CAPN13: variants seen among roughly 807,000 people sequenced by gnomAD.
CAPN13 encodes calpain 13.
Under a neutral mutation model 98.4 loss-of-function variants are expected in CAPN13, and 90 were observed. The observed-to-expected ratio is 0.92, with a 90% CI of 0.77 to 1.09. The LOEUF is 1.09. Among genes scored for constraint, CAPN13 ranks in the 50% least tolerant of loss-of-function variants. CAPN13 has a pLI of 0.00. For synonymous variants in CAPN13, 330 were observed against 305.5 expected (o/e 1.08, Z -0.84); for missense variants, 887 against 841.3 (o/e 1.05, Z -0.67).
At chr2:30,800,256 C>T (rs1385101573) in intron 1 of CAPN13, among the ~76,000 whole-genome samples, 16 of 152,172 alleles carry the variant, frequency 1.1e-4, no homozygotes, top group Admixed American at 1.0e-3. Context: ...CTATTGCCTG[C>T]CAGTGACTCT....
intron 18 of CAPN13, among the ~76,000 whole-genome samples, chr2:30,735,216 C>G (rs896784519): frequency 6.6e-6 from 1 of 152,162 alleles, no homozygotes; most frequent in African/African-American, 2.4e-5. Flanking sequence ...TGGTCAACAT[C>G]GTACTTCACA....
intron 5 of CAPN13, 57 bp downstream of exon 5, chr2:30,770,256 G>A (rs901922823): frequency 2.1e-5 from 34 of 1,590,250 alleles, no homozygotes; most frequent in Middle Eastern, 1.8e-4. Flanking sequence ...TTTGCATTCC[G>A]GGTAGGCAGG....
At chr2:30,776,438 C>T (rs960492772) in intron 3 of CAPN13, among the ~76,000 whole-genome samples, 3 of 152,142 alleles carry the variant, frequency 2.0e-5, no homozygotes, top group African/African-American at 7.2e-5. Flanking sequence ...GTCTCAAACT[C>T]CTGACCTCAA....
At chr2:30,764,685 G>A (rs1313631539) in intron 5 of CAPN13, among the ~76,000 whole-genome samples, 1 of 152,144 alleles carries the variant, frequency 6.6e-6, no homozygotes, top group Non-Finnish European at 1.5e-5. Context: ...TGCCCGGCAC[G>A]TGACCATCCC....
At chr2:30,755,931 C>T (rs1050014393) in intron 8 of CAPN13, among the ~76,000 whole-genome samples, 1 of 152,036 alleles carries the variant, frequency 6.6e-6, no homozygotes, top group South Asian at 2.1e-4. Flanking sequence ...TTAGACCATC[C>T]GGTGCTCTCC....
chr2:30,755,726 G>A (rs559975686), intron 8 of CAPN13, among the ~76,000 whole-genome samples: 1 of 152,194 alleles, frequency 6.6e-6, no homozygotes, highest in Non-Finnish European at 1.5e-5. Context: ...CAAGGCAGGG[G>A]CCACCACTCA....
At chr2:30,742,469 T>C (rs892094680) in intron 13 of CAPN13, 110 bp from the exon 14 acceptor site, 214 of 1,192,468 alleles carry the variant, frequency 1.8e-4, no homozygotes, top group Admixed American at 8.6e-4. Flanking sequence ...AGTTCCTGAA[T>C]GGGGCACCCT....
chr2:30,749,500 C>A lies in CAPN13; in HGVS notation c.1236+1603G>T, dbSNP rs183470651. On this transcript the variant is annotated intron_variant, in intron 11 of 22. Transcript: ENST00000295055. ...GTCTGTCCATAAATGCACTGACACCCAAGGCTGTGAATTTTGCCTTCAGCT... is the reference window on the plus strand; with the variant it reads ...GTCTGTCCATAAATGCACTGACACCAAAGGCTGTGAATTTTGCCTTCAGCT... 2.8e-3 allele frequency among the ~76,000 whole-genome samples: 420 copies of A among 152,292 alleles called. 1 individual carries two copies. In the Middle Eastern group the frequency reaches 0.034, roughly 12 times the overall value.
intron 1 of CAPN13, among the ~76,000 whole-genome samples, chr2:30,798,302 G>T (rs1022838918): frequency 6.6e-6 from 1 of 152,230 alleles, no homozygotes. Flanking sequence ...AAGGAAGGCC[G>T]TAGCACTCTT....
At chr2:30,802,141 G>A (rs1296066230) in intron 1 of CAPN13, among the ~76,000 whole-genome samples, 1 of 152,158 alleles carries the variant, frequency 6.6e-6, no homozygotes, top group African/African-American at 2.4e-5. Context: ...AGTAGGCTGA[G>A]CCCTGGACTG....
rs570733733 is a variant in CAPN13 at position 30,796,136 on chromosome 2, A to G, written c.-32-8779T>C. On this transcript the variant is annotated intron_variant, in intron 1 of 22. Coordinates refer to ENST00000295055, the MANE Select transcript of CAPN13 (RefSeq NM_144575.3). ...TTTGCAGGAAGAGAATTACATATATATATGTGTGTATATATATATATACAT... is the reference window on the plus strand; with the variant it reads ...TTTGCAGGAAGAGAATTACATATATGTATGTGTGTATATATATATATACAT... Among the ~76,000 whole-genome samples the G allele has an allele frequency of 7.9e-4, 113 of 143,170 alleles. 1 individual carries two copies. The highest frequency in any genetic ancestry group is 2.6e-3 in the African/African-American group (101 of 39,076). The allele number at this position is 143,170 out of a possible 152,430, so 93.9% of individuals were successfully genotyped here. A position where few individuals can be genotyped will look rare whatever the true frequency, so the allele number is the denominator to read the frequency against.
chr2:30,801,628 GAAGAAGAAGAAGAAA>G (rs1675283773), intron 1 of CAPN13, among the ~76,000 whole-genome samples: 1 of 124,812 alleles, frequency 8.0e-6, no homozygotes, highest in Non-Finnish European at 1.6e-5. Context: ...AAAAAAAAAA[GAAGAAGAAGAAGAAA>G]AAGAAAATGG....
chr2:30,765,679 A>G (rs1057254428), intron 5 of CAPN13, among the ~76,000 whole-genome samples: 10 of 152,142 alleles, frequency 6.6e-5, no homozygotes, highest in Non-Finnish European at 1.3e-4. Context: ...TGGGGATCAC[A>G]CAGAATTCCA....
In CAPN13 at chr2:30,735,610, C is replaced by G. The variant is rs150432512; in HGVS notation, c.1722+893G>C. Among the ~76,000 whole-genome samples, 42 of 152,202 alleles carry G rather than the reference C, an allele frequency of 2.8e-4. 2 individuals are homozygous for G. In the East Asian group the frequency reaches 7.8e-3, roughly 28 times the overall value. ...ATGAGGGACCCTTGCCCCGGGGGACCCAGGGGAGTGGACATGCCAGCCGTC... is the reference window on the plus strand; with the variant it reads ...ATGAGGGACCCTTGCCCCGGGGGACGCAGGGGAGTGGACATGCCAGCCGTC... On this transcript the variant is annotated intron_variant, in intron 18 of 22. Coordinates refer to ENST00000295055, the MANE Select transcript of CAPN13 (RefSeq NM_144575.3).
intron 15 of CAPN13, chr2:30,741,540 G>A (rs148986590): frequency 5.5e-4 from 584 of 1,060,620 alleles, no homozygotes; most frequent in Non-Finnish European, 6.3e-4. Context: ...GCTAGCTCCC[G>A]GGAGGAACGA....
chr2:30,743,382 C>T lies in CAPN13; in HGVS notation c.1445+1G>A, dbSNP rs1671751333. 1 of 1,611,896 alleles carries T rather than the reference C, an allele frequency of 6.2e-7. No homozygotes were observed. Among genetic ancestry groups the T allele is most frequent in the African/African-American group, 1.3e-5 (1 of 74,878 alleles). On this transcript the variant is annotated splice_donor_variant, in intron 13 of 22. Transcript: ENST00000295055. LOFTEE classifies it high-confidence loss of function. Reference sequence around the variant, plus strand: ...ATTTACAATCCCAGAGGGTTCTGTACCTGTCACTGTCTGGCATTTTCAGGA... The same window carrying T: ...ATTTACAATCCCAGAGGGTTCTGTATCTGTCACTGTCTGGCATTTTCAGGA...
chr2:30,739,247 G>A (rs746700195), intron 15 of CAPN13, among the ~76,000 whole-genome samples: 20 of 152,156 alleles, frequency 1.3e-4, no homozygotes, highest in Non-Finnish European at 2.8e-4. Context: ...ATGCTATGCT[G>A]CTATCGCCCT....
chr2:30,764,085 G>C (rs1393233188), intron 6 of CAPN13, 47 bp downstream of exon 6: 2 of 1,519,880 alleles, frequency 1.3e-6, no homozygotes, highest in Non-Finnish European at 8.9e-7. Flanking sequence ...AGCATTCCTG[G>C]CTGAGGAAAG....
At chr2:30,762,219 T>G (rs891081090) in intron 7 of CAPN13, among the ~76,000 whole-genome samples, 1 of 152,238 alleles carries the variant, frequency 6.6e-6, no homozygotes, top group African/African-American at 2.4e-5. Context: ...AGGTCTCAGC[T>G]TCTTCCTTTA....
Sources: allele counts gnomAD v4.1 joint callset (sites outside exome capture counted in the v4.1 genomes callset), GRCh38; gene constraint gnomAD v4.1.1; transcripts MANE v1.5; gene names NCBI Gene and HGNC (gene_info 2026-07-23, HGNC 2026-07-21).